Variants in RNF187 observed in about 807,000 individuals in gnomAD.
RNF187 encodes the protein E3 ubiquitin-protein ligase RNF187.
Under a neutral mutation model 22.2 loss-of-function variants are expected in RNF187, and 18 were observed. The ratio of observed to expected loss-of-function variants is 0.81; its 90% CI spans 0.56 to 1.20. RNF187 has a LOEUF of 1.20. Ranked by LOEUF, RNF187 falls within the 50% of genes most tolerant of loss-of-function variation. The pLI is 0.00. For synonymous variants in RNF187, 164 were observed against 140.9 expected (o/e 1.16, Z -1.16); for missense variants, 329 against 317.6 (o/e 1.04, Z -0.27).
In RNF187 at chr1:228,495,948, A is replaced by G; in HGVS notation, c.*2063A>G. ...GGATACCAAAATCTGCAGATACTCA[A>G]GTACCCTGCAGTCAGCCCTCCCTCT... On this transcript the variant is annotated 3_prime_UTR_variant, in exon 4 of 4. Coordinates refer to ENST00000305943, the MANE Select transcript of RNF187 (RefSeq NM_001010858.3). 2.0e-5 allele frequency among the ~76,000 whole-genome samples: 3 copies of G among 152,178 alleles called. No homozygotes were observed. Among genetic ancestry groups the G allele is most frequent in the South Asian group, 2.1e-4 (1 of 4,832 alleles).
At position 228,494,127 on chromosome 1, in the gene RNF187, C is replaced by T; in HGVS notation, c.*242C>T. 8 of 1,432,904 alleles carry T rather than the reference C, an allele frequency of 5.6e-6. No homozygotes were observed. Among genetic ancestry groups the T allele is most frequent in the Non-Finnish European group, 7.3e-6 (8 of 1,094,800 alleles). The allele number at this position is 1,432,904 out of a possible 1,614,324, so 88.8% of individuals were successfully genotyped here. ...CCCTTCCCACCTGTGCCCGTCCCTT[C>T]CTGAAGTCCTAGCCACAGCCCATCC... On this transcript the variant is annotated 3_prime_UTR_variant, in exon 4 of 4. Coordinates refer to ENST00000305943, the MANE Select transcript of RNF187 (RefSeq NM_001010858.3).
intron 2 of RNF187, among the ~76,000 whole-genome samples, chr1:228,489,856 C>T: frequency 6.6e-6 from 1 of 152,168 alleles, no homozygotes; most frequent in African/African-American, 2.4e-5. Context: ...TGCCTCCTAA[C>T]GCCATCACCT....
Position 228,494,149 on chromosome 1 carries a change from A to G in RNF187, c.*264A>G. 19 of 1,413,138 alleles carry G rather than the reference A, an allele frequency of 1.3e-5. No homozygotes were observed. The South Asian group carries it at 2.1e-4, about 16-fold the overall frequency. 87.5% of individuals were successfully genotyped at this position (1,413,138 alleles called of 1,614,324 possible). ...CTTCCTGAAGTCCTAGCCACAGCCCATCCTCCATGAGTCCCGGCAGCTCTG... is the reference window on the plus strand; with the variant it reads ...CTTCCTGAAGTCCTAGCCACAGCCCGTCCTCCATGAGTCCCGGCAGCTCTG... On this transcript the variant is annotated 3_prime_UTR_variant, in exon 4 of 4. Coordinates refer to ENST00000305943, the MANE Select transcript of RNF187 (RefSeq NM_001010858.3).
chr1:228,493,544 G>T lies in RNF187; in HGVS notation c.705+270G>T. ...GAGTGCCCGAGCATGGAAGGCTCCT[G>T]CCTCGCCCTGGGGTCCTGAAGGCAG... On this transcript the variant is annotated intron_variant, in intron 3 of 3. Transcript: ENST00000305943. This position sits in a 1 kb window ranked among gnomAD's most constrained non-coding sequence, Gnocchi z 4.7. Among the ~76,000 whole-genome samples, 28 of 152,242 alleles carry T rather than the reference G, an allele frequency of 1.8e-4. No homozygotes were observed. Among genetic ancestry groups the T allele is most frequent in the Non-Finnish European group, 3.5e-4 (24 of 68,034 alleles).
In RNF187 at chr1:228,493,972, G is replaced by C; in HGVS notation, c.*87G>C. 7 of 1,551,606 alleles carry C rather than the reference G, an allele frequency of 4.5e-6. No homozygotes were observed. The highest frequency in any genetic ancestry group is 6.1e-6 in the Non-Finnish European group (7 of 1,146,956). Reference sequence around the variant, plus strand: ...GAAGTGTCAGCGTGTGGCTGCCAGGGAAGCGTGGCAGGCGCCTGGCCTTGG... The same window carrying C: ...GAAGTGTCAGCGTGTGGCTGCCAGGCAAGCGTGGCAGGCGCCTGGCCTTGG... On this transcript the variant is annotated 3_prime_UTR_variant, in exon 4 of 4. Transcript: ENST00000305943. The surrounding 1 kb of genome is among the most constrained non-coding windows in gnomAD (Gnocchi z 4.7).
Position 228,495,768 on chromosome 1 carries a change from G to A in RNF187, c.*1883G>A. 2 of 977,684 alleles carry A rather than the reference G, an allele frequency of 2.0e-6. No homozygotes were observed. Among genetic ancestry groups the A allele is most frequent in the South Asian group, 4.7e-5 (1 of 21,108 alleles). 60.6% of individuals were successfully genotyped at this position (977,684 alleles called of 1,614,324 possible). ...ATTATATATTTATGGGGCACAGTGT[G>A]ATGTTTTGATATCTATGTACATTGT... On this transcript the variant is annotated 3_prime_UTR_variant, in exon 4 of 4. Coordinates refer to ENST00000305943, the MANE Select transcript of RNF187 (RefSeq NM_001010858.3).
At chr1:228,492,970 A>C in intron 2 of RNF187, 83 bp from the exon 3 acceptor site, 2 of 1,403,818 alleles carry the variant, frequency 1.4e-6, no homozygotes, top group African/African-American at 2.9e-5. Flanking sequence ...GCATGTTCTT[A>C]ACTCCTTCAA....
At chr1:228,491,482 C>G in intron 2 of RNF187, among the ~76,000 whole-genome samples, 5 of 151,306 alleles carry the variant, frequency 3.3e-5, no homozygotes, top group African/African-American at 1.2e-4. Context: ...GCTCTGTTGC[C>G]CAGGCTGGAG....
rs1658860532 is a variant in RNF187 at position 228,487,481 on chromosome 1, C to T, written c.-8C>T. The T allele has an allele frequency of 8.9e-6, 10 of 1,118,020 alleles. No individual in the cohort carries two copies. Among genetic ancestry groups the T allele is most frequent in the Non-Finnish European group, 1.1e-5 (10 of 917,468 alleles). The allele number at this position is 1,118,020 out of a possible 1,614,324, so 69.3% of individuals were successfully genotyped here. A position where few individuals can be genotyped will look rare whatever the true frequency, so the allele number is the denominator to read the frequency against. ...CCTGCGCCCTTGCCGGCCCCGCCGC[C>T]CGCAGCCCTGGCGCTCCCTGCGGGC... On this transcript the variant is annotated 5_prime_UTR_variant, in exon 1 of 4. Transcript: ENST00000305943.
In RNF187 at chr1:228,495,996, T is replaced by C; in HGVS notation, c.*2111T>C. Among the ~76,000 whole-genome samples, 1,335 of 152,302 alleles carry C rather than the reference T, an allele frequency of 8.8e-3. 15 individuals carry two copies. The highest frequency in any genetic ancestry group is 0.03 in the African/African-American group (1,230 of 41,554). On this transcript the variant is annotated 3_prime_UTR_variant, in exon 4 of 4. Coordinates refer to ENST00000305943, the MANE Select transcript of RNF187 (RefSeq NM_001010858.3). ...TCTGCACATATGTGGGACAGTCAGA[T>C]ACAGAGGGCCAACTGCGTACAGTAC...
At position 228,495,789 on chromosome 1, in the gene RNF187, A is replaced by G; in HGVS notation, c.*1904A>G. The stretch of plus-strand genomic sequence containing the variant: ...GTGTGATGTTTTGATATCTATGTAC[A>G]TTGTGGAGTGACAGATTAATGTATC... On this transcript the variant is annotated 3_prime_UTR_variant, in exon 4 of 4. Transcript: ENST00000305943. 8.3e-6 allele frequency: 8 copies of G among 958,232 alleles called. No individual in the cohort carries two copies. Among genetic ancestry groups the G allele is most frequent in the Non-Finnish European group, 9.9e-6 (8 of 805,284 alleles). The allele number at this position is 958,232 out of a possible 1,614,324, so 59.4% of individuals were successfully genotyped here.
At position 228,495,246 on chromosome 1, in the gene RNF187, TG is replaced by T; in HGVS notation, c.*1363del. On this transcript the variant is annotated 3_prime_UTR_variant, in exon 4 of 4. Transcript: ENST00000305943. The stretch of plus-strand genomic sequence containing the variant: ...GGAGACATCAGGGCTGAGGGGGCTC[TG>T]GCTAAACCCACCTCACAGAGTCCTT... The T allele has an allele frequency of 4.4e-6, 1 of 226,620 alleles. No individual in the cohort carries two copies. Among genetic ancestry groups the T allele is most frequent in the Non-Finnish European group, 7.3e-6 (1 of 136,242 alleles). 14.0% of individuals were successfully genotyped at this position (226,620 alleles called of 1,614,324 possible).
In RNF187 at chr1:228,495,609, C is replaced by G; in HGVS notation, c.*1724C>G. On this transcript the variant is annotated 3_prime_UTR_variant, in exon 4 of 4. Transcript: ENST00000305943. Reference sequence around the variant, plus strand: ...ACCTGTGATGCTTGCCCGGACAGGTCCTGATGGCAGAGTCTCCCACAACAT... The same window carrying G: ...ACCTGTGATGCTTGCCCGGACAGGTGCTGATGGCAGAGTCTCCCACAACAT... 2.0e-6 allele frequency: 2 copies of G among 985,580 alleles called. No homozygotes were observed. Among genetic ancestry groups the G allele is most frequent in the Non-Finnish European group, 2.4e-6 (2 of 829,956 alleles). The allele number at this position is 985,580 out of a possible 1,614,324, so 61.1% of individuals were successfully genotyped here.
In RNF187 at chr1:228,495,760, C is replaced by T; in HGVS notation, c.*1875C>T. The T allele has an allele frequency of 7.1e-6, 7 of 981,886 alleles. No homozygotes were observed. In the African/African-American group the frequency reaches 1.2e-4, roughly 17 times the overall value. 60.8% of individuals were successfully genotyped at this position (981,886 alleles called of 1,614,324 possible). On this transcript the variant is annotated 3_prime_UTR_variant, in exon 4 of 4. Transcript: ENST00000305943. The stretch of plus-strand genomic sequence containing the variant: ...TTAAGAAAATTATATATTTATGGGG[C>T]ACAGTGTGATGTTTTGATATCTATG...
At chr1:228,491,637 A>G in intron 2 of RNF187, among the ~76,000 whole-genome samples, 3 of 151,870 alleles carry the variant, frequency 2.0e-5, no homozygotes, top group Admixed American at 6.6e-5. Context: ...ATGGGGTTTC[A>G]CCATGTTGGC....
chr1:228,490,575 A>G, intron 2 of RNF187, among the ~76,000 whole-genome samples: 1 of 152,158 alleles, frequency 6.6e-6, no homozygotes, highest in Non-Finnish European at 1.5e-5. Flanking sequence ...CAAAGGAAGG[A>G]GTTTGCAGCG....
chr1:228,494,036 T>C lies in RNF187; in HGVS notation c.*151T>C. 1 of 1,539,606 alleles carries C rather than the reference T, an allele frequency of 6.5e-7. No homozygotes were observed. Among genetic ancestry groups the C allele is most frequent in the Non-Finnish European group, 8.8e-7 (1 of 1,141,670 alleles). ...GTTGCGTGTTTCAACAATGTCCATT[T>C]ATCCTTCACCCCGAGGCGTGTTTTG... On this transcript the variant is annotated 3_prime_UTR_variant, in exon 4 of 4. Coordinates refer to ENST00000305943, the MANE Select transcript of RNF187 (RefSeq NM_001010858.3).
intron 1 of RNF187, among the ~76,000 whole-genome samples, 172 bp from the exon 2 acceptor site, chr1:228,488,788 C>G: frequency 6.6e-6 from 1 of 152,228 alleles, no homozygotes; most frequent in African/African-American, 2.4e-5. Context: ...GTGTGAAGCC[C>G]AAGAAACCTT....
At position 228,493,868 on chromosome 1, in the gene RNF187, T is replaced by TC; in HGVS notation, c.706-11dup. 1 of 1,551,540 alleles carries TC rather than the reference T, an allele frequency of 6.4e-7. No homozygotes were observed. The highest frequency in any genetic ancestry group is 8.7e-7 in the Non-Finnish European group (1 of 1,146,860). On this transcript the variant is annotated splice_polypyrimidine_tract_variant and intron_variant, in intron 3 of 3. Coordinates refer to ENST00000305943, the MANE Select transcript of RNF187 (RefSeq NM_001010858.3). The surrounding 1 kb of genome is among the most constrained non-coding windows in gnomAD (Gnocchi z 4.7). ...CTTTTTGTCTCTCTGTCTTTCCCTCTCCCCTCCCATGCAGTGATGGCGCCA... is the reference window on the plus strand; with the variant it reads ...CTTTTTGTCTCTCTGTCTTTCCCTCTCCCCCTCCCATGCAGTGATGGCGCCA...
Sources: gnomAD v4.1 joint callset for allele counts (sites outside exome capture counted in the v4.1 genomes callset) on GRCh38, gnomAD v4.1.1 for gene constraint, Gnocchi (gnomAD v3.1) non-coding constraint, MANE v1.5 for transcripts, NCBI Gene and HGNC (gene_info 2026-07-23, HGNC 2026-07-21) for gene names.